The following PITPNM2 variants were observed in gnomAD, a reference collection of about 807,000 sequenced individuals.
The protein encoded by PITPNM2 is membrane-associated phosphatidylinositol transfer protein 2.
In PITPNM2, 35 loss-of-function variants were observed where a neutral mutation model predicts 132.2. The observed-to-expected ratio is 0.26, with a 90% confidence interval of 0.20 to 0.35. The LOEUF (loss-of-function observed/expected upper bound fraction) is 0.35. Ranked by LOEUF, PITPNM2 falls within the 10% of genes least tolerant of loss-of-function variation. PITPNM2 has a pLI of 1.00. For missense variants in PITPNM2, 1,332 were observed against 1,912.0 expected, an observed-to-expected ratio of 0.70 and a Z score of 5.66; for synonymous variants, 738 against 799.2, an observed-to-expected ratio of 0.92 and a Z score of 1.29.
rs2038272526 is a variant in PITPNM2, at chr12:122,993,174, G to A, written c.2234-505C>T. ...AGTTATAATGATTGTGGTAAAAGGT[G>A]GTTTGCAGTACAGAAGAGCATATGA... On this transcript the variant is annotated intron_variant, in intron 15 of 25. Transcript: ENST00000320201. The surrounding 1 kb of genome is among the most constrained non-coding windows in gnomAD (Gnocchi z 5.2). Among the ~76,000 whole-genome samples, 1 of 152,098 alleles carries A rather than the reference G, an allele frequency of 6.6e-6. No homozygotes were observed. The highest frequency in any genetic ancestry group is 1.5e-5 in the Non-Finnish European group (1 of 68,016).
At chr12:123,125,864 G>GTTTTTTTTT (rs373787897) in intron 1 of PITPNM2, among the ~76,000 whole-genome samples, 26 of 64,860 alleles carry the variant, frequency 4.0e-4, no homozygotes, top group South Asian at 8.7e-4. Context: ...AAAAATTAGG[G>GTTTTTTTTT]TTTTTTTTTT....
Position 122,992,979 on chromosome 12 carries a change from C to G in PITPNM2, c.2234-310G>C, listed in dbSNP as rs2038261683. Among the ~76,000 whole-genome samples the G allele has an allele frequency of 6.6e-6, 1 of 152,076 alleles. No individual in the cohort carries two copies. The highest frequency in any genetic ancestry group is 2.1e-4 in the South Asian group (1 of 4,828). ...TAGCTGGGACCACAGGTGTGCACCA[C>G]CACACCTGGCTTTTTTATTTTATTT... On this transcript the variant is annotated intron_variant, in intron 15 of 25. Transcript: ENST00000320201. The surrounding 1 kb of genome is among the most constrained non-coding windows in gnomAD (Gnocchi z 6.5).
At chr12:123,147,915 C>T (rs766732218) in intron 1 of PITPNM2, among the ~76,000 whole-genome samples, 8 of 152,176 alleles carry the variant, frequency 5.3e-5, no homozygotes, top group African/African-American at 1.4e-4. Flanking sequence ...ACAAACAAAA[C>T]GTGTTTTCCT....
rs1282586468 is a variant in PITPNM2 at position 122,984,945 on chromosome 12, G to A, written c.*1082C>T. On this transcript the variant is annotated 3_prime_UTR_variant, in exon 26 of 26. Transcript: ENST00000320201. ...TGCCCTGAAGCTGACAAAGCAAGTT[G>A]TGGCTTCTTAGATTCGGCATGAAAA... 6.6e-6 allele frequency: 1 copy of A among 152,290 alleles called. No individual in the cohort carries two copies. Among genetic ancestry groups the A allele is most frequent in the African/African-American group, 2.4e-5 (1 of 41,454 alleles). 9.4% of individuals were successfully genotyped at this position (152,290 alleles called of 1,614,324 possible).
intron 2 of PITPNM2, among the ~76,000 whole-genome samples, chr12:123,067,007 C>A (rs2041446184): frequency 6.6e-6 from 1 of 152,172 alleles, no homozygotes; most frequent in Non-Finnish European, 1.5e-5. Flanking sequence ...CAGCCCCCTC[C>A]CCAAATTCAC....
chr12:122,995,589 A>ACCGCCG lies in PITPNM2; in HGVS notation c.1848_1853dup (p.Gly621_Gly622dup). The ACCGCCG allele has an allele frequency of 6.2e-7, 1 of 1,603,032 alleles. No homozygotes were observed. The highest frequency in any genetic ancestry group is 8.5e-7 in the Non-Finnish European group (1 of 1,178,418). On this transcript the variant is annotated inframe_insertion, in exon 14 of 26. Transcript: ENST00000320201. ...CACCACCACTGCTGCCACCACCGCCACCGCCGCCACCGCCACCACCGCAGC... is the reference window on the plus strand; with the variant it reads ...CACCACCACTGCTGCCACCACCGCCACCGCCGCCGCCGCCACCGCCACCACCGCAGC...
chr12:123,136,001 C>T (rs1046786109), intron 1 of PITPNM2, among the ~76,000 whole-genome samples: 1 of 152,042 alleles, frequency 6.6e-6, no homozygotes, highest in Non-Finnish European at 1.5e-5. Flanking sequence ...CATGAACATA[C>T]ATTACTTAAA....
intron 1 of PITPNM2, among the ~76,000 whole-genome samples, chr12:123,139,316 C>G (rs1174942433): frequency 1.3e-5 from 2 of 151,854 alleles, no homozygotes; most frequent in Non-Finnish European, 2.9e-5. Flanking sequence ...CTGGCTAACA[C>G]AGTGAAACCC....
At chr12:123,141,464 A>G (rs756156670) in intron 1 of PITPNM2, among the ~76,000 whole-genome samples, 5 of 152,118 alleles carry the variant, frequency 3.3e-5, no homozygotes, top group African/African-American at 4.8e-5. Flanking sequence ...CAGCAACTCA[A>G]ACACAAATAG....
Position 123,095,481 on chromosome 12 carries a change from T to C in PITPNM2, c.-96+14904A>G, listed in dbSNP as rs2042381940. Among the ~76,000 whole-genome samples, 1 of 152,208 alleles carries C rather than the reference T, an allele frequency of 6.6e-6. No individual in the cohort carries two copies. Among genetic ancestry groups the C allele is most frequent in the South Asian group, 2.1e-4 (1 of 4,836 alleles). ...TTCAGGTACTCAACAAAGCAAGATG[T>C]CGTGATGTTGCCACCAGCCTGCCCC... On this transcript the variant is annotated intron_variant, in intron 2 of 25. Transcript: ENST00000320201. The surrounding 1 kb of genome is among the most constrained non-coding windows in gnomAD (Gnocchi z 5.0).
At position 123,000,669 on chromosome 12, in the gene PITPNM2, AG is replaced by A. The variant is rs2038620405; in HGVS notation, c.1224+108del. The A allele has an allele frequency of 1.6e-6, 2 of 1,224,794 alleles. No homozygotes were observed. The allele number at this position is 1,224,794 out of a possible 1,614,324, so 75.9% of individuals were successfully genotyped here. A position where few individuals can be genotyped will look rare whatever the true frequency, so the allele number is the denominator to read the frequency against. On this transcript the variant is annotated intron_variant, in intron 10 of 25. Transcript: ENST00000320201. This position sits in a 1 kb window ranked among gnomAD's most constrained non-coding sequence, Gnocchi z 5.4. ...CAGTACCCAGGCAGGCGTGGAGGTG[AG>A]GCTGCCAGGCCCAGAGTTCCACCTC...
At chr12:123,040,605 T>G (rs2040431363) in intron 2 of PITPNM2, among the ~76,000 whole-genome samples, 1 of 152,170 alleles carries the variant, frequency 6.6e-6, no homozygotes, top group Non-Finnish European at 1.5e-5. Context: ...TTGAGATACA[T>G]GAAAATTGAT....
At chr12:123,012,802 GT>G in intron 4 of PITPNM2, 68 bp from the exon 5 acceptor site, 1 of 1,580,486 alleles carries the variant, frequency 6.3e-7, no homozygotes, top group Non-Finnish European at 8.6e-7. Flanking sequence ...GCCAGGGCCT[GT>G]TGACCCACTG....
At chr12:123,128,535 C>CCT (rs2043196455) in intron 1 of PITPNM2, among the ~76,000 whole-genome samples, 1 of 150,044 alleles carries the variant, frequency 6.7e-6, no homozygotes, top group Non-Finnish European at 1.5e-5. Context: ...GGGCAAATCA[C>CCT]AAGGTCAGAA....
intron 3 of PITPNM2, 197 bp downstream of exon 3, chr12:123,034,316 C>CCG: frequency 1.8e-6 from 1 of 541,508 alleles, no homozygotes; most frequent in Non-Finnish European, 3.3e-6. Context: ...CAATCTGATG[C>CCG]CGTGCGCCCA....
At chr12:123,015,701 T>C (rs921782927) in intron 3 of PITPNM2, among the ~76,000 whole-genome samples, 2 of 152,106 alleles carry the variant, frequency 1.3e-5, no homozygotes, top group Non-Finnish European at 1.5e-5. Flanking sequence ...TGGCAATGCT[T>C]TCTTAAATAT....
At chr12:123,109,214 T>C (rs1257727555) in intron 2 of PITPNM2, among the ~76,000 whole-genome samples, 3 of 152,020 alleles carry the variant, frequency 2.0e-5, no homozygotes, top group African/African-American at 7.2e-5. Context: ...AACTAGCCAA[T>C]GAGTGAACAG....
rs1256323967 is a variant in PITPNM2 at position 123,064,020 on chromosome 12, A to ATGATGG, written c.-95-29341_-95-29336dup. Among the ~76,000 whole-genome samples, 4 of 152,322 alleles carry ATGATGG rather than the reference A, an allele frequency of 2.6e-5. No homozygotes were observed. Among genetic ancestry groups the ATGATGG allele is most frequent in the African/African-American group, 7.2e-5 (3 of 41,572 alleles). Reference sequence around the variant, plus strand: ...AGCAGCCGCTATTATTACTATAATGATGATGGTGATGGTGATGGTGATGCT... The same window carrying ATGATGG: ...AGCAGCCGCTATTATTACTATAATGATGATGGTGATGGTGATGGTGATGGTGATGCT... On this transcript the variant is annotated intron_variant, in intron 2 of 25. Coordinates refer to ENST00000320201, the MANE Select transcript of PITPNM2 (RefSeq NM_020845.3). The surrounding 1 kb of genome is among the most constrained non-coding windows in gnomAD (Gnocchi z 4.0).
intron 1 of PITPNM2, among the ~76,000 whole-genome samples, chr12:123,135,384 ACC>A (rs11313236): frequency 2.1e-4 from 32 of 151,672 alleles, no homozygotes; most frequent in South Asian, 4.2e-4. Flanking sequence ...GTAACATATG[ACC>A]CCCCCCCTTA....
Sources: gnomAD v4.1 joint callset for allele counts (sites outside exome capture counted in the v4.1 genomes callset) on GRCh38, gnomAD v4.1.1 for gene constraint, Gnocchi (gnomAD v3.1) non-coding constraint, MANE v1.5 for transcripts, NCBI Gene and HGNC (gene_info 2026-07-23, HGNC 2026-07-21) for gene names.